Variants in SOX5 observed in about 807,000 individuals in gnomAD.
SOX5 encodes the protein transcription factor SOX-5.
In SOX5, 9 loss-of-function variants were observed where a neutral mutation model predicts 92.0. The ratio of observed to expected loss-of-function variants is 0.10; its 90% CI spans 0.06 to 0.17. The LOEUF is 0.17. Ranked by LOEUF, SOX5 falls within the 10% of genes least tolerant of loss-of-function variation. SOX5 has a pLI of 1.00. For missense variants in SOX5, 642 were observed against 944.5 expected (o/e 0.68, Z 4.20); for synonymous variants, 344 against 336.3 (o/e 1.02, Z -0.25).
rs192209744 is a variant in SOX5 at position 23,901,884 on chromosome 12, C to T, written c.39-5860G>A. Among the ~76,000 whole-genome samples the T allele has an allele frequency of 2.0e-3, 311 of 152,196 alleles. 2 individuals carry two copies. In the Middle Eastern group the frequency reaches 0.024, roughly 12 times the overall value. On this transcript the variant is annotated intron_variant, in intron 1 of 14. Coordinates refer to ENST00000451604, the MANE Select transcript of SOX5 (RefSeq NM_006940.6). ...TAAATCTTATAGGACAAGTATGCTT[C>T]GAATATGTCTCAGTATTGTCAGAAA...
intron 4 of SOX5, among the ~76,000 whole-genome samples, chr12:23,970,576 T>G (rs921124912): frequency 2.0e-5 from 3 of 151,804 alleles, no homozygotes; most frequent in South Asian, 2.1e-4. Flanking sequence ...CTGGCTTATT[T>G]TACTGAGCAT....
intron 4 of SOX5, among the ~76,000 whole-genome samples, chr12:24,109,178 G>A (rs1480455785): frequency 6.6e-6 from 1 of 152,102 alleles, no homozygotes; most frequent in African/African-American, 2.4e-5. Flanking sequence ...TGTCTTTAAA[G>A]AGTAATCAAT....
intron 8 of SOX5, among the ~76,000 whole-genome samples, chr12:23,609,542 G>A (rs970648293): frequency 1.3e-5 from 2 of 152,064 alleles, no homozygotes; most frequent in African/African-American, 4.8e-5. Flanking sequence ...AAGACAAACA[G>A]AGGAACAGGA....
At chr12:23,687,504 T>C (rs2087815807) in intron 6 of SOX5, among the ~76,000 whole-genome samples, 1 of 152,056 alleles carries the variant, frequency 6.6e-6, no homozygotes. Context: ...TAATAAACCC[T>C]ACAGCACTTT....
At chr12:23,923,333 A>AATGAATGAATGAATGAATGAATG (rs879944682) in intron 1 of SOX5, among the ~76,000 whole-genome samples, 4 of 102,944 alleles carry the variant, frequency 3.9e-5, no homozygotes, top group Non-Finnish European at 2.3e-5. Context: ...ATGAATGAAT[A>AATGAATGAATGAATGAATGAATG]CGTAAAAGCA....
intron 4 of SOX5, among the ~76,000 whole-genome samples, chr12:24,209,890 C>T (rs1283937077): frequency 6.7e-6 from 1 of 148,874 alleles, no homozygotes; most frequent in South Asian, 2.1e-4. Context: ...TAGTGGCGGG[C>T]GCCTGTAGTC....
intron 3 of SOX5, among the ~76,000 whole-genome samples, chr12:24,259,614 T>A (rs1941786404): frequency 6.6e-6 from 1 of 152,098 alleles, no homozygotes; most frequent in Non-Finnish European, 1.5e-5. Flanking sequence ...ACAGCTAAGA[T>A]CAATGACAAG....
intron 2 of SOX5, among the ~76,000 whole-genome samples, chr12:24,338,304 C>T (rs1952143019): frequency 6.6e-6 from 1 of 152,134 alleles, no homozygotes; most frequent in Non-Finnish European, 1.5e-5. Flanking sequence ...TGGACATACA[C>T]AATACGATGT....
chr12:24,162,226 C>A (rs1235840612), intron 4 of SOX5, among the ~76,000 whole-genome samples: 1 of 152,074 alleles, frequency 6.6e-6, no homozygotes, highest in East Asian at 1.9e-4. Flanking sequence ...AGACCAGAGC[C>A]TCTTTAGCAA....
At chr12:23,636,207 G>A (rs2079210207) in intron 8 of SOX5, among the ~76,000 whole-genome samples, 1 of 152,048 alleles carries the variant, frequency 6.6e-6, no homozygotes, top group Admixed American at 6.6e-5. Context: ...ATGCTAATTT[G>A]TATTATTTAT....
At chr12:24,487,097 C>T (rs919299986) in intron 1 of SOX5, among the ~76,000 whole-genome samples, 6 of 152,128 alleles carry the variant, frequency 3.9e-5, no homozygotes, top group East Asian at 3.9e-4. Context: ...TATCAATCCA[C>T]GGAGCCAGTG....
intron 3 of SOX5, among the ~76,000 whole-genome samples, chr12:23,759,850 A>C (rs940371770): frequency 1.3e-5 from 2 of 152,132 alleles, no homozygotes; most frequent in African/African-American, 4.8e-5. Context: ...TTAAAAATGC[A>C]CAAGCATAGA....
At chr12:23,971,120 A>ATTTTTTT (rs1460686832) in intron 4 of SOX5, among the ~76,000 whole-genome samples, 5 of 14,504 alleles carry the variant, frequency 3.4e-4, no homozygotes, top group Non-Finnish European at 5.2e-4. Context: ...GTGTCAGCTG[A>ATTTTTTT]CTTTTTTTTT....
chr12:23,769,182 A>T (rs192994280), intron 3 of SOX5, among the ~76,000 whole-genome samples: 4 of 152,246 alleles, frequency 2.6e-5, no homozygotes, highest in African/African-American at 9.6e-5. Context: ...ATCTCCAAAC[A>T]TGTGAAGAGT....
intron 2 of SOX5, among the ~76,000 whole-genome samples, chr12:24,279,763 A>C (rs1376452151): frequency 2.0e-5 from 3 of 152,174 alleles, no homozygotes; most frequent in East Asian, 1.9e-4. Flanking sequence ...CATCTAAAAA[A>C]ATAATTTTGG....
chr12:23,594,687 T>C (rs7304583), intron 9 of SOX5, among the ~76,000 whole-genome samples: 37,237 of 152,026 alleles, frequency 0.24, 5,483 homozygotes, highest in East Asian at 0.49. Flanking sequence ...TAGAATATAA[T>C]TCAAAGTCCT....
intron 4 of SOX5, among the ~76,000 whole-genome samples, chr12:24,095,520 T>C (rs1945298721): frequency 6.6e-6 from 1 of 152,034 alleles, no homozygotes; most frequent in Non-Finnish European, 1.5e-5. Context: ...AGAAAATTCC[T>C]GATGCTTCTT....
At chr12:24,254,314 T>C (rs1435801311) in intron 3 of SOX5, among the ~76,000 whole-genome samples, 1 of 151,846 alleles carries the variant, frequency 6.6e-6, no homozygotes, top group Non-Finnish European at 1.5e-5. Flanking sequence ...GTATCTCTAT[T>C]GCAATCCATT....
chr12:23,563,375 G>A lies in SOX5; in HGVS notation c.1371C>T (p.Thr457=), dbSNP rs746655800. Residue 457 remains threonine, a synonymous_variant, in exon 11 of 15, where the codon ACC becomes ACT. Transcript: ENST00000451604. The stretch of plus-strand genomic sequence containing the variant: ...TTTGCCGAGCTTCTTGGATTGCCTT[G>A]GTGACAGCATCATGGTCATTTAAGT... The part of the protein sequence containing the change: ...IGYLNDHDAV[T]KAIQEARQMK... 3 of 1,613,904 alleles carry A rather than the reference G, an allele frequency of 1.9e-6. No homozygotes were observed. The highest frequency in any genetic ancestry group is 1.3e-5 in the African/African-American group (1 of 75,006).
Sources: allele counts gnomAD v4.1 joint callset (sites outside exome capture counted in the v4.1 genomes callset), GRCh38; gene constraint gnomAD v4.1.1; transcripts MANE v1.5; gene names NCBI Gene and HGNC (gene_info 2026-07-23, HGNC 2026-07-21).